FAM163A: variants seen among roughly 807,000 people sequenced by gnomAD.
The protein encoded by FAM163A is protein FAM163A.
A neutral mutation model predicts 12.0 loss-of-function variants in FAM163A; 7 were observed. The observed-to-expected ratio is 0.58, with a 90% CI of 0.33 to 1.10. The LOEUF (loss-of-function observed/expected upper bound fraction) is 1.10, where lower values mean the gene tolerates loss of function less well. FAM163A is among the 50% of genes least tolerant of loss of function. The pLI is 0.03. For missense variants in FAM163A, 202 were observed against 218.6 expected (o/e 0.92, Z 0.48); for synonymous variants, 101 against 91.0 (o/e 1.11, Z -0.62).
intron 1 of FAM163A, among the ~76,000 whole-genome samples, chr1:179,746,211 A>G (rs1274080923): frequency 2.0e-5 from 3 of 152,352 alleles, no homozygotes; most frequent in Non-Finnish European, 2.9e-5. Context: ...ACACTTGTCA[A>G]AATTATAAAC....
At chr1:179,736,912 G>GTA in the FAM163A span, among the ~76,000 whole-genome samples, 1 of 152,094 alleles carries the variant, frequency 6.6e-6, no homozygotes, top group Admixed American at 6.5e-5. Flanking sequence ...ATGTAAAATG[G>GTA]TACAGCTGCT....
chr1:179,804,721 A>G (rs1337148327), intron 1 of FAM163A, among the ~76,000 whole-genome samples: 1 of 152,222 alleles, frequency 6.6e-6, no homozygotes, highest in Non-Finnish European at 1.5e-5. Flanking sequence ...GCCAAAGACC[A>G]CATGTTCTCA....
At chr1:179,755,084 T>G in intron 1 of FAM163A, among the ~76,000 whole-genome samples, 1 of 143,514 alleles carries the variant, frequency 7.0e-6, no homozygotes. Flanking sequence ...TTGCAGTGAG[T>G]GGAGATCGTG....
chr1:179,791,428 C>A (rs1691486050), intron 1 of FAM163A, among the ~76,000 whole-genome samples: 1 of 152,200 alleles, frequency 6.6e-6, no homozygotes, highest in Non-Finnish European at 1.5e-5. Flanking sequence ...ATACCCTGTG[C>A]CTGCAGCATG....
upstream of FAM163A, among the ~76,000 whole-genome samples, chr1:179,738,441 A>G (rs1683249966): frequency 6.6e-6 from 1 of 152,208 alleles, no homozygotes. Flanking sequence ...TTTTTGTATC[A>G]ATTATACCTC....
Position 179,743,730 on chromosome 1 carries a change from C to G in FAM163A, c.-136+307C>G, listed in dbSNP as rs537551517. ...GGCATCTCCGGCCTCGTGGCCAGAC[C>G]GCGGGTGGCGGTGCTCGCGCCTCGG... On this transcript the variant is annotated intron_variant, in intron 1 of 4. Transcript: ENST00000341785. 3.3e-3 allele frequency among the ~76,000 whole-genome samples: 507 copies of G among 152,280 alleles called. 5 individuals carry two copies. Among genetic ancestry groups the G allele is most frequent in the African/African-American group, 0.012 (484 of 41,566 alleles).
At chr1:179,794,766 G>T (rs1692023720) in intron 1 of FAM163A, among the ~76,000 whole-genome samples, 1 of 152,168 alleles carries the variant, frequency 6.6e-6, no homozygotes, top group Non-Finnish European at 1.5e-5. Flanking sequence ...CATCTGGCAA[G>T]GCGCTCAGAC....
At chr1:179,768,762 T>A (rs1687855897) in intron 1 of FAM163A, among the ~76,000 whole-genome samples, 1 of 152,010 alleles carries the variant, frequency 6.6e-6, no homozygotes, top group Non-Finnish European at 1.5e-5. Flanking sequence ...CACGGCACCA[T>A]GCCCAGCTAA....
At chr1:179,754,183 T>A (rs1685689935) in intron 1 of FAM163A, among the ~76,000 whole-genome samples, 1 of 152,140 alleles carries the variant, frequency 6.6e-6, no homozygotes, top group African/African-American at 2.4e-5. Context: ...CTGAAGGATT[T>A]GTATGTGGTG....
At chr1:179,771,915 T>C (rs1009977539) in intron 1 of FAM163A, among the ~76,000 whole-genome samples, 1 of 152,110 alleles carries the variant, frequency 6.6e-6, no homozygotes, top group African/African-American at 2.4e-5. Flanking sequence ...TATCTGCTCT[T>C]TGACTCATCT....
chr1:179,740,133 A>C (rs1189923597), upstream of FAM163A, among the ~76,000 whole-genome samples: 1 of 152,108 alleles, frequency 6.6e-6, no homozygotes, highest in Non-Finnish European at 1.5e-5. Context: ...GCTCACTTGT[A>C]AACCTGTAAA....
At chr1:179,801,373 C>G (rs1181671846) in intron 1 of FAM163A, among the ~76,000 whole-genome samples, 1 of 152,142 alleles carries the variant, frequency 6.6e-6, no homozygotes, top group Non-Finnish European at 1.5e-5. Context: ...CCACACAGCT[C>G]TCCAAGCCCC....
At chr1:179,744,231 A>C (rs544304498) in intron 1 of FAM163A, among the ~76,000 whole-genome samples, 27 of 152,224 alleles carry the variant, frequency 1.8e-4, no homozygotes, top group African/African-American at 4.8e-4. Flanking sequence ...CTTGCTCCCG[A>C]GGCCCCAGAG....
chr1:179,783,247 T>G (rs567910153), intron 1 of FAM163A, among the ~76,000 whole-genome samples: 5 of 151,686 alleles, frequency 3.3e-5, no homozygotes, highest in Non-Finnish European at 7.4e-5. Context: ...AAAGACTGAG[T>G]AGAAACATGG....
chr1:179,728,819 T>C, the FAM163A span, among the ~76,000 whole-genome samples: 4 of 152,206 alleles, frequency 2.6e-5, no homozygotes, highest in African/African-American at 9.6e-5. Flanking sequence ...GATGACTAAA[T>C]GGTTTTTGTC....
At chr1:179,752,428 CA>C (rs1183982395) in intron 1 of FAM163A, among the ~76,000 whole-genome samples, 1 of 126,032 alleles carries the variant, frequency 7.9e-6, no homozygotes, top group Non-Finnish European at 1.7e-5. Flanking sequence ...GCCACAAAAG[CA>C]AAAATGGACA....
chr1:179,806,686 C>T (rs1693981426), intron 1 of FAM163A, among the ~76,000 whole-genome samples: 1 of 152,228 alleles, frequency 6.6e-6, no homozygotes, highest in Non-Finnish European at 1.5e-5. Flanking sequence ...ATCCCCCACC[C>T]AGGGGGGGCC....
At position 179,814,267 on chromosome 1, in the gene FAM163A, A is replaced by G; in HGVS notation, c.*78A>G. On this transcript the variant is annotated 3_prime_UTR_variant, in exon 5 of 5. Coordinates refer to ENST00000341785, the MANE Select transcript of FAM163A (RefSeq NM_173509.3). ...CATGGGGGTGATGAATGACCCTCCA[A>G]CAGCCCCACATGGGTTGTTTCTGTT... The G allele has an allele frequency of 1.3e-6, 2 of 1,486,892 alleles. No homozygotes were observed. Among genetic ancestry groups the G allele is most frequent in the Admixed American group, 4.4e-5 (2 of 45,546 alleles). The allele number at this position is 1,486,892 out of a possible 1,614,324, so 92.1% of individuals were successfully genotyped here. A position where few individuals can be genotyped will look rare whatever the true frequency, so the allele number is the denominator to read the frequency against.
the FAM163A span, among the ~76,000 whole-genome samples, chr1:179,736,912 G>A: frequency 1.3e-5 from 2 of 152,210 alleles, no homozygotes; most frequent in East Asian, 3.9e-4. Context: ...ATGTAAAATG[G>A]TACAGCTGCT....
Sources: allele counts gnomAD v4.1 joint callset (sites outside exome capture counted in the v4.1 genomes callset), GRCh38; gene constraint gnomAD v4.1.1; transcripts MANE v1.5; gene names NCBI Gene and HGNC (gene_info 2026-07-23, HGNC 2026-07-21).